Variants in PDE4D observed in about 807,000 individuals in gnomAD.
The protein encoded by PDE4D is 3',5'-cyclic-AMP phosphodiesterase 4D.
Under a neutral mutation model 87.4 loss-of-function variants are expected in PDE4D, and 24 were observed. The ratio of observed to expected loss-of-function variants is 0.27; its 90% confidence interval spans 0.20 to 0.39. The LOEUF (loss-of-function observed/expected upper bound fraction) is 0.39. PDE4D is among the 10% of genes least tolerant of loss of function. PDE4D has a pLI of 1.00. For missense variants in PDE4D, 714 were observed against 1,041.0 expected, an observed-to-expected ratio of 0.69 and a Z score of 4.32; for synonymous variants, 384 against 383.2, an observed-to-expected ratio of 1.00 and a Z score of -0.02.
At chr5:60,418,096 C>T (rs1194064757) in intron 1 of PDE4D, among the ~76,000 whole-genome samples, 1 of 151,876 alleles carries the variant, frequency 6.6e-6, no homozygotes, top group African/African-American at 2.4e-5. Context: ...AACATTGATT[C>T]GGAATGTTCA....
intron 1 of PDE4D, among the ~76,000 whole-genome samples, chr5:60,385,645 G>A (rs1278253966): frequency 2.0e-5 from 3 of 152,174 alleles, no homozygotes; most frequent in African/African-American, 7.2e-5. Flanking sequence ...TTCTTCTCCA[G>A]CATCATTTCT....
chr5:60,271,120 A>G (rs1213811867), intron 1 of PDE4D, among the ~76,000 whole-genome samples: 4 of 152,212 alleles, frequency 2.6e-5, no homozygotes, highest in African/African-American at 9.6e-5. Context: ...AGCTGTTTTC[A>G]CATGCCAGGC....
At chr5:59,842,003 T>C (rs1743090282) in intron 1 of PDE4D, among the ~76,000 whole-genome samples, 1 of 151,934 alleles carries the variant, frequency 6.6e-6, no homozygotes, top group African/African-American at 2.4e-5. Flanking sequence ...GCCTAGGTGA[T>C]ATGTTGGAAT....
rs542981053 is a variant in PDE4D at position 59,296,248 on chromosome 5, AATATTTT to A, written c.456-80287_456-80281del. ...TAGGGTAATATTTACTTTATATTTTAATATTTTATAAGTTAATAGATATAATAAATAA... is the reference window on the plus strand; with the variant it reads ...TAGGGTAATATTTACTTTATATTTTAATAAGTTAATAGATATAATAAATAA... On this transcript the variant is annotated intron_variant, in intron 1 of 14. Coordinates refer to ENST00000340635, the MANE Select transcript of PDE4D (RefSeq NM_001104631.2). Among the ~76,000 whole-genome samples the A allele has an allele frequency of 3.4e-4, 52 of 152,074 alleles. 3 individuals carry two copies. The South Asian group carries it at 0.011, about 31-fold the overall frequency.
At chr5:59,335,890 G>A (rs557153810) in intron 1 of PDE4D, among the ~76,000 whole-genome samples, 37 of 152,234 alleles carry the variant, frequency 2.4e-4, no homozygotes, top group African/African-American at 7.9e-4. Flanking sequence ...ACTATGGCTT[G>A]GAAATTTTCC....
At chr5:59,171,788 A>G (rs1230318719) in intron 5 of PDE4D, among the ~76,000 whole-genome samples, 1 of 131,436 alleles carries the variant, frequency 7.6e-6, no homozygotes, top group African/African-American at 2.9e-5. Context: ...ATACATATTC[A>G]TATATATTAT....
At chr5:59,428,997 A>C (rs192266955) in intron 1 of PDE4D, among the ~76,000 whole-genome samples, 4 of 152,286 alleles carry the variant, frequency 2.6e-5, no homozygotes, top group African/African-American at 9.6e-5. Context: ...GTGATGCCCA[A>C]TTTTAAGCCT....
chr5:59,556,094 T>A (rs1583103384), intron 1 of PDE4D, among the ~76,000 whole-genome samples: 1 of 152,120 alleles, frequency 6.6e-6, no homozygotes, highest in East Asian at 1.9e-4. Flanking sequence ...TGGTTAACAT[T>A]AAAAAATAAG....
chr5:59,527,162 G>GGT (rs1373440024), intron 1 of PDE4D, among the ~76,000 whole-genome samples: 2 of 151,970 alleles, frequency 1.3e-5, no homozygotes, highest in East Asian at 1.9e-4. Context: ...TGGTTGTTAT[G>GGT]GTGTGTGTGT....
At chr5:59,652,008 G>A (rs1037407954) in intron 1 of PDE4D, among the ~76,000 whole-genome samples, 49 of 152,152 alleles carry the variant, frequency 3.2e-4, no homozygotes, top group African/African-American at 1.1e-3. Flanking sequence ...CCTCTCACCC[G>A]AATTTAGGAC....
At chr5:59,593,778 C>G (rs1051992684) in intron 1 of PDE4D, among the ~76,000 whole-genome samples, 20 of 152,140 alleles carry the variant, frequency 1.3e-4, no homozygotes, top group African/African-American at 4.6e-4. Flanking sequence ...GCAGGCAAGT[C>G]TGAAAGTTGA....
intron 1 of PDE4D, among the ~76,000 whole-genome samples, chr5:59,833,826 A>G (rs965854257): frequency 3.3e-5 from 5 of 152,098 alleles, no homozygotes; most frequent in East Asian, 1.9e-4. Flanking sequence ...TCAAAAATGC[A>G]TATGATAAAC....
At chr5:59,221,564 C>T (rs1044582022) in intron 1 of PDE4D, among the ~76,000 whole-genome samples, 3 of 151,900 alleles carry the variant, frequency 2.0e-5, no homozygotes, top group African/African-American at 4.8e-5. Flanking sequence ...CTAAGGAGGT[C>T]GAGGCTGAAG....
chr5:60,265,332 G>A (rs1341918083), intron 1 of PDE4D, among the ~76,000 whole-genome samples: 1 of 152,210 alleles, frequency 6.6e-6, no homozygotes, highest in African/African-American at 2.4e-5. Context: ...GTCCCCACAA[G>A]AGGATGTGAC....
At chr5:59,748,671 G>C (rs1209733929) in intron 1 of PDE4D, among the ~76,000 whole-genome samples, 2 of 150,844 alleles carry the variant, frequency 1.3e-5, no homozygotes, top group African/African-American at 2.4e-5. Flanking sequence ...GGAGGGGAGA[G>C]GGATAGCATT....
chr5:59,885,857 CTT>C (rs1000447876), intron 1 of PDE4D, among the ~76,000 whole-genome samples: 4 of 152,118 alleles, frequency 2.6e-5, no homozygotes, highest in African/African-American at 7.2e-5. Context: ...CACAGTATCT[CTT>C]GTTTCATTAC....
intron 1 of PDE4D, among the ~76,000 whole-genome samples, chr5:59,873,053 C>T (rs935012400): frequency 1.3e-5 from 2 of 152,138 alleles, no homozygotes; most frequent in East Asian, 3.9e-4. Flanking sequence ...GGGGCTGAAA[C>T]GCTATACTTT....
At chr5:60,432,058 C>A (rs1204247254) in intron 1 of PDE4D, among the ~76,000 whole-genome samples, 1 of 151,138 alleles carries the variant, frequency 6.6e-6, no homozygotes, top group Non-Finnish European at 1.5e-5. Context: ...AGAGGGAGAC[C>A]GTGGAAAGAG....
intron 1 of PDE4D, among the ~76,000 whole-genome samples, chr5:59,878,258 G>A (rs965476255): frequency 2.0e-5 from 3 of 152,136 alleles, no homozygotes; most frequent in African/African-American, 7.2e-5. Flanking sequence ...CAATCAAAAA[G>A]CATTTGTTAT....
Sources: allele counts gnomAD v4.1 joint callset (sites outside exome capture counted in the v4.1 genomes callset), GRCh38; gene constraint gnomAD v4.1.1; transcripts MANE v1.5; gene names NCBI Gene and HGNC (gene_info 2026-07-23, HGNC 2026-07-21).